PPIL3: variants seen among roughly 807,000 people sequenced by gnomAD.
The protein encoded by PPIL3 is peptidyl-prolyl cis-trans isomerase-like 3.
A neutral mutation model predicts 20.9 loss-of-function variants in PPIL3; 13 were observed. The observed-to-expected ratio is 0.62, with a 90% CI of 0.40 to 0.99. PPIL3 has a LOEUF of 0.99. Ranked by LOEUF, PPIL3 falls within the 50% of genes least tolerant of loss-of-function variation. The pLI is 0.00. For missense variants in PPIL3, 170 were observed against 195.2 expected (o/e 0.87, Z 0.77); for synonymous variants, 71 against 64.4 (o/e 1.10, Z -0.49).
At chr2:200,876,791 G>C (rs2039534170) in intron 6 of PPIL3, 128 bp downstream of exon 6, 2 of 733,170 alleles carry the variant, frequency 2.7e-6, no homozygotes, top group South Asian at 3.5e-5. Flanking sequence ...CCAAAGTGCT[G>C]GGATTACAGG....
At chr2:200,877,192 C>T (rs1459931629) in intron 5 of PPIL3, among the ~76,000 whole-genome samples, 155 bp from the exon 6 acceptor site, 2 of 152,104 alleles carry the variant, frequency 1.3e-5, no homozygotes, top group East Asian at 1.9e-4. Context: ...AACTCCTAGG[C>T]TCAAGTGATC....
Position 200,885,785 on chromosome 2 carries a change from G to A in PPIL3, c.4-13C>T, listed in dbSNP as rs1248728482. The A allele has an allele frequency of 1.3e-5, 20 of 1,485,696 alleles. No individual in the cohort carries two copies. The highest frequency in any genetic ancestry group is 1.8e-5 in the Non-Finnish European group (19 of 1,077,656). The allele number at this position is 1,485,696 out of a possible 1,614,324, so 92.0% of individuals were successfully genotyped here. On this transcript the variant is annotated splice_polypyrimidine_tract_variant and intron_variant, in intron 2 of 6. Transcript: ENST00000392283. Reference sequence around the variant, plus strand: ...GCAGTGTCACAGACTAAAAAGGAGAGAAAATGTGAGAACAAATGAAATTTA... The same window carrying A: ...GCAGTGTCACAGACTAAAAAGGAGAAAAAATGTGAGAACAAATGAAATTTA...
In PPIL3 at chr2:200,881,304, T is replaced by C. The variant is rs2039712079; in HGVS notation, c.240+117A>G. 9 of 751,220 alleles carry C rather than the reference T, an allele frequency of 1.2e-5. No individual in the cohort carries two copies. The South Asian group carries it at 1.9e-4, about 16-fold the overall frequency. 46.5% of individuals were successfully genotyped at this position (751,220 alleles called of 1,614,324 possible). On this transcript the variant is annotated intron_variant, in intron 5 of 6. Coordinates refer to ENST00000392283, the MANE Select transcript of PPIL3 (RefSeq NM_130906.3). Reference sequence around the variant, plus strand: ...TCATTTGTCAAATGTACAAAAACTATAAAAAAGTATGTTCATTTTGCAATG... The same window carrying C: ...TCATTTGTCAAATGTACAAAAACTACAAAAAAGTATGTTCATTTTGCAATG...
chr2:200,880,682 G>A (rs1472604719), intron 5 of PPIL3, among the ~76,000 whole-genome samples: 2 of 152,060 alleles, frequency 1.3e-5, no homozygotes, highest in Non-Finnish European at 2.9e-5. Context: ...CCTGGTTGAG[G>A]ATACTTCATT....
intron 6 of PPIL3, 151 bp downstream of exon 6, chr2:200,876,768 C>A: frequency 1.6e-6 from 1 of 632,058 alleles, no homozygotes; most frequent in Non-Finnish European, 2.8e-6. Flanking sequence ...GACAATCTGC[C>A]CACCTTGGCC....
intron 2 of PPIL3, chr2:200,886,863 C>T (rs2039955080): frequency 6.6e-6 from 1 of 152,324 alleles, no homozygotes; most frequent in Admixed American, 6.5e-5. Flanking sequence ...GGGGGCCTCA[C>T]TGTGTTGCCC....
At chr2:200,873,584 C>T (rs2039393855) in intron 6 of PPIL3, among the ~76,000 whole-genome samples, 1 of 152,012 alleles carries the variant, frequency 6.6e-6, no homozygotes, top group East Asian at 1.9e-4. Flanking sequence ...CTCCAGCAAT[C>T]CCACTTCATG....
At chr2:200,888,661 G>T (rs2124859821) in intron 1 of PPIL3, 1 of 257,028 alleles carries the variant, frequency 3.9e-6, no homozygotes, top group African/African-American at 2.3e-5. Context: ...GAGTAGGTGG[G>T]ACTACAGGCG....
rs1209566852 is a variant in PPIL3 at position 200,882,373 on chromosome 2, C to T, written c.141G>A (p.Lys47=). 1 of 1,606,914 alleles carries T rather than the reference C, an allele frequency of 6.2e-7. No individual in the cohort carries two copies. Among genetic ancestry groups the T allele is most frequent in the Non-Finnish European group, 8.5e-7 (1 of 1,173,454 alleles). The change falls in exon 4 of 7, where the codon AAG becomes AAA. Residue 47 remains lysine, a synonymous_variant. Coordinates refer to ENST00000392283, the MANE Select transcript of PPIL3 (RefSeq NM_130906.3). ...YNGCIFHRNI[K]GFMVQTGDPT... ...GATCTCCTGTTTGAACCATGAAACC[C>T]TTGATATTCCTATGAAATATACAGC...
Position 200,886,429 on chromosome 2 carries a change from C to CT in PPIL3, c.4-658dup, listed in dbSNP as rs1304349954. 1.6e-3 allele frequency among the ~76,000 whole-genome samples: 225 copies of CT among 142,894 alleles called. 1 individual carries two copies. The highest frequency in any genetic ancestry group is 3.6e-3 in the Middle Eastern group (1 of 278). 93.7% of individuals were successfully genotyped at this position (142,894 alleles called of 152,430 possible). On this transcript the variant is annotated intron_variant, in intron 2 of 6. Transcript: ENST00000392283. ...TTGGAGGGTTCCTTTTTCATTTCTCCTTTTTTTTTTTTTTGAGGTGGAGTC... is the reference window on the plus strand; with the variant it reads ...TTGGAGGGTTCCTTTTTCATTTCTCCTTTTTTTTTTTTTTTGAGGTGGAGTC...
intron 5 of PPIL3, among the ~76,000 whole-genome samples, chr2:200,878,775 T>C (rs1317273369): frequency 2.0e-5 from 3 of 152,250 alleles, no homozygotes; most frequent in African/African-American, 4.8e-5. Context: ...TTTAGTCTTC[T>C]GGGAAATGCT....
intron 6 of PPIL3, among the ~76,000 whole-genome samples, chr2:200,874,252 T>C (rs895792581): frequency 6.6e-6 from 1 of 151,738 alleles, no homozygotes; most frequent in East Asian, 1.9e-4. Flanking sequence ...TTATTTTGCA[T>C]TTTCACAAAA....
At chr2:200,885,419 T>C (rs1559343202) in intron 3 of PPIL3, 3 of 343,548 alleles carry the variant, frequency 8.7e-6, no homozygotes, top group Non-Finnish European at 1.0e-5. Flanking sequence ...AAAAAAGTAA[T>C]ATAATGTCCT....
intron 4 of PPIL3, 22 bp from the exon 5 acceptor site, chr2:200,881,510 TC>T: frequency 6.3e-7 from 1 of 1,589,354 alleles, no homozygotes; most frequent in Non-Finnish European, 8.6e-7. Flanking sequence ...GTGAAGCAAA[TC>T]AAAAGAAGTA....
chr2:200,884,990 C>T (rs1366826059), intron 3 of PPIL3: 2 of 150,956 alleles, frequency 1.3e-5, no homozygotes, highest in Non-Finnish European at 2.9e-5. Flanking sequence ...CGTTTGAACC[C>T]CAGAGGCGAA....
intron 2 of PPIL3, among the ~76,000 whole-genome samples, chr2:200,886,141 T>C (rs933624297): frequency 7.9e-5 from 12 of 152,210 alleles, no homozygotes; most frequent in African/African-American, 2.9e-4. Flanking sequence ...CATCCTTATT[T>C]ATAGAAAAAT....
chr2:200,887,747 C>T (rs2040002953), intron 1 of PPIL3, 62 bp from the exon 2 acceptor site: 1 of 653,560 alleles, frequency 1.5e-6, no homozygotes, highest in Non-Finnish European at 2.5e-6. Flanking sequence ...ACACGCTCAT[C>T]TTTACTGAAC....
At chr2:200,876,343 C>T (rs1482732272) in intron 6 of PPIL3, among the ~76,000 whole-genome samples, 1 of 151,814 alleles carries the variant, frequency 6.6e-6, no homozygotes, top group Non-Finnish European at 1.5e-5. Flanking sequence ...AATAGATATA[C>T]TATGTTAATT....
chr2:200,887,410 T>C (rs886518839), intron 2 of PPIL3, among the ~76,000 whole-genome samples: 10 of 151,164 alleles, frequency 6.6e-5, no homozygotes, highest in Non-Finnish European at 1.2e-4. Flanking sequence ...AGGTAAATTC[T>C]GTGCATTTTA....
Sources: gnomAD v4.1 joint callset for allele counts (sites outside exome capture counted in the v4.1 genomes callset) on GRCh38, gnomAD v4.1.1 for gene constraint, MANE v1.5 for transcripts, NCBI Gene and HGNC (gene_info 2026-07-23, HGNC 2026-07-21) for gene names.